The following ROBO2 variants were observed in gnomAD, a reference collection of about 807,000 sequenced individuals.
The protein encoded by ROBO2 is roundabout homolog 2.
ROBO2 carries 53 observed loss-of-function variants against 160.8 expected under a neutral mutation model. The ratio of observed to expected loss-of-function variants is 0.33; its 90% CI spans 0.26 to 0.41. ROBO2 has a LOEUF of 0.41. Among genes scored for constraint, ROBO2 ranks in the 10% least tolerant of loss-of-function variants. The pLI is 1.00. For synonymous variants in ROBO2, 664 were observed against 611.7 expected (o/e 1.09, Z -1.26); for missense variants, 1,577 against 1,722.4 (o/e 0.92, Z 1.49).
At chr3:76,467,361 A>G (rs185838235) in intron 2 of ROBO2, among the ~76,000 whole-genome samples, 85 of 152,272 alleles carry the variant, frequency 5.6e-4, no homozygotes, top group African/African-American at 1.9e-3. Context: ...TAGCTATCCA[A>G]AAATTATGCC....
At chr3:76,195,027 T>C (rs1233212031) in intron 2 of ROBO2, among the ~76,000 whole-genome samples, 3 of 152,128 alleles carry the variant, frequency 2.0e-5, no homozygotes, top group South Asian at 2.1e-4. Flanking sequence ...CAGTTTTTTT[T>C]CCTCCCAAAA....
intron 2 of ROBO2, among the ~76,000 whole-genome samples, chr3:77,270,153 C>T (rs2059397164): frequency 1.3e-5 from 2 of 152,152 alleles, no homozygotes; most frequent in African/African-American, 4.8e-5. Flanking sequence ...AAGCAGCCAA[C>T]AGAGAAGCTT....
At chr3:76,248,876 C>T (rs7648403) in intron 2 of ROBO2, among the ~76,000 whole-genome samples, 138,627 of 152,044 alleles carry the variant, frequency 0.91, 63,419 homozygotes, top group Middle Eastern at 0.98. Context: ...GCCTGCTTAC[C>T]TGAGTCTCTG....
At chr3:76,422,834 T>C (rs1293216581) in intron 2 of ROBO2, among the ~76,000 whole-genome samples, 1 of 152,166 alleles carries the variant, frequency 6.6e-6, no homozygotes, top group Non-Finnish European at 1.5e-5. Context: ...CCATAAAATC[T>C]TATTTCGAAG....
intron 2 of ROBO2, among the ~76,000 whole-genome samples, chr3:76,765,789 C>T (rs893124574): frequency 3.3e-5 from 5 of 151,674 alleles, no homozygotes; most frequent in African/African-American, 1.2e-4. Context: ...GTGTGTGAGA[C>T]ACTCCAGGTG....
chr3:76,446,847 G>C (rs2077208024), intron 2 of ROBO2, among the ~76,000 whole-genome samples: 1 of 152,172 alleles, frequency 6.6e-6, no homozygotes, highest in Admixed American at 6.5e-5. Flanking sequence ...TATGTAGAAA[G>C]TTGAAACTGG....
intron 2 of ROBO2, among the ~76,000 whole-genome samples, chr3:76,079,402 C>T (rs1213730318): frequency 6.6e-6 from 1 of 151,720 alleles, no homozygotes; most frequent in East Asian, 1.9e-4. Context: ...CAAAATATCA[C>T]ATGTATTCCT....
intron 2 of ROBO2, among the ~76,000 whole-genome samples, chr3:76,469,458 C>T (rs1038307533): frequency 6.6e-6 from 1 of 151,998 alleles, no homozygotes; most frequent in Non-Finnish European, 1.5e-5. Flanking sequence ...AGTTCCACAT[C>T]CTATTAGAAT....
At chr3:76,870,835 T>C (rs1028892770) in intron 2 of ROBO2, among the ~76,000 whole-genome samples, 1 of 152,128 alleles carries the variant, frequency 6.6e-6, no homozygotes, top group African/African-American at 2.4e-5. Flanking sequence ...ATTGCTTCAT[T>C]GCATACCCAC....
At chr3:76,827,961 AAAT>A (rs1195217807) in intron 2 of ROBO2, among the ~76,000 whole-genome samples, 14 of 152,170 alleles carry the variant, frequency 9.2e-5, no homozygotes, top group Non-Finnish European at 1.8e-4. Context: ...TTATTGAAGA[AAAT>A]AATAATAAAC....
intron 2 of ROBO2, among the ~76,000 whole-genome samples, chr3:77,320,566 AAAG>A (rs1560526284): frequency 2.0e-5 from 3 of 152,166 alleles, no homozygotes; most frequent in African/African-American, 4.8e-5. Context: ...TTAAAAAAAA[AAAG>A]AAGGGCTCTT....
chr3:76,682,418 A>ATTCCTTT (rs756772929), intron 2 of ROBO2, among the ~76,000 whole-genome samples: 199 of 84,314 alleles, frequency 2.4e-3, no homozygotes, highest in Non-Finnish European at 2.8e-3. Flanking sequence ...TCTATTAAAA[A>ATTCCTTT]TTTCTTTTGA....
At chr3:76,325,482 A>G (rs1270460184) in intron 2 of ROBO2, among the ~76,000 whole-genome samples, 1 of 152,146 alleles carries the variant, frequency 6.6e-6, no homozygotes, top group Non-Finnish European at 1.5e-5. Context: ...TTACCTTCCC[A>G]ATGTTTGGGG....
intron 2 of ROBO2, among the ~76,000 whole-genome samples, chr3:76,113,672 C>G (rs149503017): frequency 1.3e-5 from 2 of 152,254 alleles, no homozygotes; most frequent in Non-Finnish European, 2.9e-5. Flanking sequence ...AGCTGCCCCA[C>G]TCTCATAATA....
chr3:76,243,815 G>A, intron 2 of ROBO2, among the ~76,000 whole-genome samples: 2 of 152,282 alleles, frequency 1.3e-5, no homozygotes, highest in South Asian at 2.1e-4. Context: ...CACTTATGGA[G>A]ATTAAAAGCT....
intron 1 of ROBO2, among the ~76,000 whole-genome samples, chr3:77,075,538 A>G (rs1011424786): frequency 1.3e-5 from 2 of 152,110 alleles, no homozygotes; most frequent in African/African-American, 2.4e-5. Context: ...CCTTTACTCA[A>G]TAAACTCCAG....
intron 2 of ROBO2, among the ~76,000 whole-genome samples, chr3:77,291,736 G>A (rs2061298341): frequency 6.6e-6 from 1 of 151,680 alleles, no homozygotes; most frequent in Admixed American, 6.6e-5. Flanking sequence ...AGTTAAACGG[G>A]TAAGCTGAGG....
At chr3:77,331,848 G>A (rs1313096461) in intron 2 of ROBO2, among the ~76,000 whole-genome samples, 2 of 152,088 alleles carry the variant, frequency 1.3e-5, no homozygotes, top group African/African-American at 4.8e-5. Flanking sequence ...TGGGATTACA[G>A]GCACGTGCCA....
chr3:76,738,822 TTC>T (rs1403265172), intron 2 of ROBO2, among the ~76,000 whole-genome samples: 12 of 137,582 alleles, frequency 8.7e-5, no homozygotes, highest in South Asian at 2.4e-4. Flanking sequence ...GTTTTATTAT[TTC>T]TGTTTTCTCT....
Sources: gnomAD v4.1 joint callset for allele counts (sites outside exome capture counted in the v4.1 genomes callset) on GRCh38, gnomAD v4.1.1 for gene constraint, MANE v1.5 for transcripts, NCBI Gene and HGNC (gene_info 2026-07-23, HGNC 2026-07-21) for gene names.